Variants in FAM13C observed in about 807,000 individuals in gnomAD.
The protein encoded by FAM13C is protein FAM13C.
Under a neutral mutation model 73.2 loss-of-function variants are expected in FAM13C, and 37 were observed. The ratio of observed to expected loss-of-function variants is 0.51; its 90% confidence interval spans 0.39 to 0.67. The LOEUF is 0.67. Among genes scored for constraint, FAM13C ranks in the 30% least tolerant of loss-of-function variants. The pLI is 0.00. For missense variants in FAM13C, 589 were observed against 715.6 expected (o/e 0.82, Z 2.02); for synonymous variants, 246 against 260.9 (o/e 0.94, Z 0.55).
At chr10:59,314,723 T>C (rs577566651) in intron 4 of FAM13C, among the ~76,000 whole-genome samples, 1 of 152,270 alleles carries the variant, frequency 6.6e-6, no homozygotes, top group African/African-American at 2.4e-5. Context: ...GATATTTCCC[T>C]TGTCCCTGCA....
intron 10 of FAM13C, 79 bp from the exon 11 acceptor site, chr10:59,254,522 T>C (rs747958772): frequency 1.9e-4 from 138 of 711,458 alleles, no homozygotes; most frequent in Admixed American, 5.0e-4. Flanking sequence ...ACAAAAAGCC[T>C]CAAAGTAAAG....
intron 3 of FAM13C, among the ~76,000 whole-genome samples, chr10:59,333,403 G>A (rs1255509041): frequency 1.3e-5 from 2 of 152,134 alleles, no homozygotes. Context: ...CAGGAGAGTT[G>A]CTTGAACCTG....
rs1394841445 is a variant in FAM13C at position 59,260,720 on chromosome 10, A to AC, written c.1236+1713dup. ...CATGAACTACATGAGGGCATTGACC[A>AC]CCCCCCAATGGCTTCGATATCTTTT... On this transcript the variant is annotated intron_variant, in intron 10 of 13. Coordinates refer to ENST00000618804, the MANE Select transcript of FAM13C (RefSeq NM_198215.4). Among the ~76,000 whole-genome samples, 6 of 152,020 alleles carry AC rather than the reference A, an allele frequency of 3.9e-5. No individual in the cohort carries two copies. The East Asian group carries it at 1.2e-3, about 29-fold the overall frequency.
chr10:59,358,230 T>C (rs560284545), intron 1 of FAM13C, among the ~76,000 whole-genome samples: 4 of 152,202 alleles, frequency 2.6e-5, no homozygotes, highest in Admixed American at 6.5e-5. Flanking sequence ...ATACAAAAAT[T>C]AGCTGGGTGT....
intron 3 of FAM13C, among the ~76,000 whole-genome samples, chr10:59,351,139 G>A (rs1329381368): frequency 6.6e-6 from 1 of 151,894 alleles, no homozygotes; most frequent in Non-Finnish European, 1.5e-5. Context: ...GCACTTGCCT[G>A]GTCAACATGG....
chr10:59,329,451 C>A (rs374370567), intron 3 of FAM13C, among the ~76,000 whole-genome samples: 7 of 144,674 alleles, frequency 4.8e-5, no homozygotes, highest in African/African-American at 1.8e-4. Context: ...ATTCTGCGTC[C>A]CAGGTTCAAG....
At chr10:59,286,697 C>T (rs986898499) in intron 5 of FAM13C, among the ~76,000 whole-genome samples, 57 of 151,340 alleles carry the variant, frequency 3.8e-4, no homozygotes, top group African/African-American at 1.4e-3. Flanking sequence ...GGTTGCCCAA[C>T]AGTGTGACTG....
At chr10:59,254,093 GA>G (rs1841687230) in intron 11 of FAM13C, 4 of 387,488 alleles carry the variant, frequency 1.0e-5, no homozygotes, top group Non-Finnish European at 1.8e-5. Context: ...CCAAGATAAT[GA>G]AAGCAAATGT....
chr10:59,300,075 A>G lies in FAM13C; in HGVS notation c.507+2726T>C, dbSNP rs527492370. Among the ~76,000 whole-genome samples the G allele has an allele frequency of 1.2e-4, 18 of 152,300 alleles. No homozygotes were observed. The East Asian group carries it at 3.5e-3, about 29-fold the overall frequency. On this transcript the variant is annotated intron_variant, in intron 5 of 13. Coordinates refer to ENST00000618804, the MANE Select transcript of FAM13C (RefSeq NM_198215.4). The stretch of plus-strand genomic sequence containing the variant: ...TCGGCCCACTAGGAAAGTATGAGAA[A>G]CACACACAGAGACAACATACATGGA...
At chr10:59,336,394 G>T (rs1367166869) in intron 3 of FAM13C, among the ~76,000 whole-genome samples, 1 of 152,192 alleles carries the variant, frequency 6.6e-6, no homozygotes, top group Non-Finnish European at 1.5e-5. Context: ...GGTCAATTCT[G>T]CAGTGTGTAA....
intron 5 of FAM13C, among the ~76,000 whole-genome samples, chr10:59,294,551 T>C (rs1846674478): frequency 6.6e-6 from 1 of 152,124 alleles, no homozygotes. Context: ...CACTAAGGAT[T>C]CCCCTGAGGG....
At chr10:59,274,749 A>G (rs1430707938) in intron 6 of FAM13C, among the ~76,000 whole-genome samples, 1 of 152,170 alleles carries the variant, frequency 6.6e-6, no homozygotes, top group Non-Finnish European at 1.5e-5. Flanking sequence ...AACCAAGGGA[A>G]ATGTCCAATG....
chr10:59,298,959 G>A (rs1847243029), intron 5 of FAM13C, among the ~76,000 whole-genome samples: 1 of 152,174 alleles, frequency 6.6e-6, no homozygotes. Context: ...GAGGCTGGTG[G>A]GGAGGAAGGA....
At position 59,246,508 on chromosome 10, in the gene FAM13C, G is replaced by C; in HGVS notation, c.*1106C>G. ...TTACAGAAAATAGAAATACAAACAA[G>C]GTTGGTACATGAGAGAAAATGTTGA... On this transcript the variant is annotated 3_prime_UTR_variant, in exon 14 of 14. Coordinates refer to ENST00000618804, the MANE Select transcript of FAM13C (RefSeq NM_198215.4). 1 of 390,466 alleles carries C rather than the reference G, an allele frequency of 2.6e-6. No homozygotes were observed. The highest frequency in any genetic ancestry group is 2.1e-5 in the African/African-American group (1 of 48,546). The allele number at this position is 390,466 out of a possible 1,614,324, so 24.2% of individuals were successfully genotyped here. A position where few individuals can be genotyped will look rare whatever the true frequency, so the allele number is the denominator to read the frequency against.
chr10:59,280,247 A>G (rs1589436744), intron 6 of FAM13C, among the ~76,000 whole-genome samples: 1 of 152,092 alleles, frequency 6.6e-6, no homozygotes, highest in Non-Finnish European at 1.5e-5. Context: ...TCCTGTGCAA[A>G]CCAATCCAGT....
intron 1 of FAM13C, chr10:59,361,003 C>T: frequency 7.8e-7 from 1 of 1,288,538 alleles, no homozygotes; most frequent in Non-Finnish European, 1.0e-6. Flanking sequence ...ACTTTAAGCA[C>T]AGCAAAGGGA....
intron 13 of FAM13C, 128 bp downstream of exon 13, chr10:59,251,447 G>A (rs1217306301): frequency 6.2e-6 from 5 of 804,708 alleles, no homozygotes; most frequent in Non-Finnish European, 1.1e-5. Flanking sequence ...CAAATCCTGA[G>A]TCTAAGCCAG....
At chr10:59,247,826 T>C in intron 13 of FAM13C, 89 bp from the exon 14 acceptor site, 1 of 1,337,692 alleles carries the variant, frequency 7.5e-7, no homozygotes, top group East Asian at 2.5e-5. Context: ...GAAAGTATAC[T>C]GTAACGGCCT....
At chr10:59,283,335 T>C in intron 6 of FAM13C, 28 bp downstream of exon 6, 1 of 1,611,626 alleles carries the variant, frequency 6.2e-7, no homozygotes, top group East Asian at 2.2e-5. Flanking sequence ...GAGTACAATT[T>C]GGGACAACCC....
Sources: gnomAD v4.1 joint callset for allele counts (sites outside exome capture counted in the v4.1 genomes callset) on GRCh38, gnomAD v4.1.1 for gene constraint, MANE v1.5 for transcripts, NCBI Gene and HGNC (gene_info 2026-07-23, HGNC 2026-07-21) for gene names.